PDE6B: variants seen among roughly 807,000 people sequenced by gnomAD.
The protein encoded by PDE6B is phosphodiesterase 6B.
In PDE6B, 106 loss-of-function variants were observed where a neutral mutation model predicts 109.0. That is an observed-to-expected ratio of 0.97 (90% CI 0.83 to 1.14). The LOEUF is 1.14. Among genes scored for constraint, PDE6B ranks in the 50% most tolerant of loss-of-function variants. PDE6B has a pLI of 0.00. For missense variants in PDE6B, 1,193 were observed against 1,155.6 expected (o/e 1.03, Z -0.47); for synonymous variants, 490 against 471.3 (o/e 1.04, Z -0.51).
intron 21 of PDE6B, among the ~76,000 whole-genome samples, chr4:669,220 T>C (rs1394980814): frequency 1.2e-5 from 1 of 80,454 alleles, no homozygotes; most frequent in African/African-American, 5.2e-5. Context: ...CGCTACCCCA[T>C]GCTATTCCCC....
rs1737998027 is a variant in PDE6B, at chr4:667,986, A to T, written c.2483A>T (p.Glu828Val). The part of the protein sequence containing the change: ...VKALEEKEEE[E>V]RVAAKKVGTE... ...GCTCTGGAGGAGAAGGAGGAGGAGG[A>T]GAGGGTGGCAGCCAAGAAAGGTCTG... Residue 828 changes from glutamate to valine, a missense_variant, in exon 21 of 22, where the codon GAG (glutamate) becomes GTG (valine). Physicochemically the swap from Glu to Val is moderately radical, Grantham distance 121. Coordinates refer to ENST00000496514, the MANE Select transcript of PDE6B (RefSeq NM_000283.4). 3 of 1,612,124 alleles carry T rather than the reference A, an allele frequency of 1.9e-6. No individual in the cohort carries two copies. The highest frequency in any genetic ancestry group is 2.5e-6 in the Non-Finnish European group (3 of 1,179,464).
In PDE6B at chr4:667,523, A is replaced by AG. The variant is rs932986065; in HGVS notation, c.2353-329dup. ...TGGGAGGGACGGGAGAAGGCACTGC[A>AG]GGGGCTGCCTGCTGTCCGCCTGTGC... is the stretch of plus-strand genomic sequence containing the variant. On this transcript the variant is annotated intron_variant, in intron 20 of 21. Coordinates refer to ENST00000496514, the MANE Select transcript of PDE6B (RefSeq NM_000283.4). Among the ~76,000 whole-genome samples the AG allele has an allele frequency of 5.0e-4, 76 of 152,254 alleles. 1 individual carries two copies. Among genetic ancestry groups the AG allele is most frequent in the African/African-American group, 1.7e-3 (71 of 41,550 alleles).
chr4:662,158 A>G lies in PDE6B; in HGVS notation c.1639A>G (p.Ile547Val). The G allele has an allele frequency of 1.3e-6, 2 of 1,572,838 alleles. No individual in the cohort carries two copies. The highest frequency in any genetic ancestry group is 2.3e-5 in the East Asian group (1 of 42,834). ...QEVLVRFLFS[I>V]SKGYRRITYH... The stretch of plus-strand genomic sequence containing the variant: ...GGTCCTGGTGCGGTTCCTGTTCTCC[A>G]TCAGCAAAGGGTACCGGAGAATCAC... Residue 547 changes from isoleucine to valine, a missense_variant, in exon 13 of 22, where the codon ATC becomes GTC. By Grantham distance (29) the Ile-to-Val change is conservative. Coordinates refer to ENST00000496514, the MANE Select transcript of PDE6B (RefSeq NM_000283.4). The surrounding 1 kb of genome is among the most constrained non-coding windows in gnomAD (Gnocchi z 4.3).
intron 1 of PDE6B, among the ~76,000 whole-genome samples, chr4:630,073 A>G (rs1037452981): frequency 6.6e-6 from 1 of 152,168 alleles, no homozygotes; most frequent in East Asian, 1.9e-4. Context: ...GCCAGGCATC[A>G]CTACAGGGGA....
At chr4:643,563 A>G (rs1368246159) in intron 3 of PDE6B, among the ~76,000 whole-genome samples, 4 of 152,140 alleles carry the variant, frequency 2.6e-5, no homozygotes, top group Non-Finnish European at 5.9e-5. Flanking sequence ...TTGGATGATT[A>G]TTAATTATTG....
Position 663,704 on chromosome 4 carries a change from CG to C in PDE6B, c.1921-62del, listed in dbSNP as rs1737413305. 1.7e-6 allele frequency: 2 copies of C among 1,194,684 alleles called. No homozygotes were observed. Among genetic ancestry groups the C allele is most frequent in the Admixed American group, 3.6e-5 (2 of 56,044 alleles). The allele number at this position is 1,194,684 out of a possible 1,614,324, so 74.0% of individuals were successfully genotyped here. ...GCACAGGCAGCCGAGGCGGAAGGGG[CG>C]GGGTCCCCGGGCACCCTGAGAGGTG... On this transcript the variant is annotated intron_variant, in intron 15 of 21. Transcript: ENST00000496514. The surrounding 1 kb of genome is among the most constrained non-coding windows in gnomAD (Gnocchi z 4.0).
At chr4:651,403 AGGAGGAGGGCCTG>A (rs1735538834) in intron 3 of PDE6B, among the ~76,000 whole-genome samples, 1 of 151,962 alleles carries the variant, frequency 6.6e-6, no homozygotes, top group African/African-American at 2.4e-5. Context: ...AGGCCTTGGG[AGGAGGAGGGCCTG>A]GGATGAGGGC....
At chr4:654,480 T>A (rs879687369) in intron 5 of PDE6B, 112 of 562,898 alleles carry the variant, frequency 2.0e-4, no homozygotes, top group Middle Eastern at 4.8e-4. Context: ...TGTGTGTGTG[T>A]GAGAGTACGG....
intron 1 of PDE6B, 116 bp from the exon 2 acceptor site, chr4:634,561 G>A: frequency 1.1e-6 from 1 of 880,788 alleles, no homozygotes; most frequent in Non-Finnish European, 1.9e-6. Flanking sequence ...AGGGCCCCTG[G>A]GCACCTCACA....
chr4:645,290 A>ATTTT (rs530937075), intron 3 of PDE6B, among the ~76,000 whole-genome samples: 4 of 117,756 alleles, frequency 3.4e-5, no homozygotes, highest in Non-Finnish European at 6.9e-5. Flanking sequence ...GGCTAGTCAC[A>ATTTT]TTTTTTTTTT....
chr4:659,488 T>C (rs540220222), intron 11 of PDE6B, among the ~76,000 whole-genome samples: 16 of 151,028 alleles, frequency 1.1e-4, no homozygotes, highest in Admixed American at 8.5e-4. Context: ...TGTCTGTGTG[T>C]GCACAAGTGT....
chr4:657,840 G>C (rs551632210), intron 10 of PDE6B, among the ~76,000 whole-genome samples: 11 of 146,990 alleles, frequency 7.5e-5, no homozygotes, highest in African/African-American at 2.5e-4. Context: ...GGTCGTCCAG[G>C]GGTCACCCAG....
chr4:635,179 A>G (rs1198277417), intron 2 of PDE6B, among the ~76,000 whole-genome samples: 15 of 49,548 alleles, frequency 3.0e-4, no homozygotes, highest in East Asian at 8.5e-4. Flanking sequence ...CTGCGCGTCC[A>G]CCTCCTTACC....
chr4:626,012 A>C lies in PDE6B; in HGVS notation c.386A>C (p.Glu129Ala), dbSNP rs767531877. 1 of 1,591,402 alleles carries C rather than the reference A, an allele frequency of 6.3e-7. No homozygotes were observed. Among genetic ancestry groups the C allele is most frequent in the South Asian group, 1.1e-5 (1 of 87,876 alleles). The change falls in exon 1 of 22, where the codon GAG becomes GCG. Residue 129 changes from glutamate (E) to alanine (A), a missense_variant. Transcript: ENST00000496514. This position sits in a 1 kb window ranked among gnomAD's most constrained non-coding sequence, Gnocchi z 4.6. ...GACTGCCTGGTGCCCCCCGACTCCGAGATCGTCTTCCCACTGGACATCGGG... is the reference window on the plus strand; with the variant it reads ...GACTGCCTGGTGCCCCCCGACTCCGCGATCGTCTTCCCACTGGACATCGGG... ...LEDCLVPPDS[E>A]IVFPLDIGVV... is the part of the protein sequence containing the mutation.
Position 663,932 on chromosome 4 carries a change from G to A in PDE6B, c.2021+62G>A. 1 of 1,287,308 alleles carries A rather than the reference G, an allele frequency of 7.8e-7. No individual in the cohort carries two copies. The highest frequency in any genetic ancestry group is 1.1e-6 in the Non-Finnish European group (1 of 911,846). The allele number at this position is 1,287,308 out of a possible 1,614,324, so 79.7% of individuals were successfully genotyped here. A position where few individuals can be genotyped will look rare whatever the true frequency, so the allele number is the denominator to read the frequency against. On this transcript the variant is annotated intron_variant, in intron 16 of 21. Transcript: ENST00000496514. This position sits in a 1 kb window ranked among gnomAD's most constrained non-coding sequence, Gnocchi z 4.0. ...GGCGGGTAGCCTGGGACCCCCGGCA[G>A]ACACGGGGGCGCAGCGGCGGCACAG...
intron 1 of PDE6B, among the ~76,000 whole-genome samples, chr4:630,495 G>A (rs1167933829): frequency 6.6e-6 from 1 of 152,180 alleles, no homozygotes; most frequent in African/African-American, 2.4e-5. Context: ...ACTCTTTGCA[G>A]TCTCGATGGC....
intron 3 of PDE6B, among the ~76,000 whole-genome samples, chr4:642,261 C>T (rs1560108545): frequency 6.6e-6 from 1 of 151,566 alleles, no homozygotes; most frequent in Non-Finnish European, 1.5e-5. Flanking sequence ...CACCTGAGGT[C>T]GGGAGTTTGA....
intron 1 of PDE6B, among the ~76,000 whole-genome samples, chr4:630,931 G>T (rs1318807711): frequency 1.3e-5 from 2 of 152,234 alleles, no homozygotes; most frequent in Non-Finnish European, 2.9e-5. Context: ...AAGGAGAGAA[G>T]CTGTCGGCAT....
rs1734705917 is a variant in PDE6B, at chr4:636,804, C to T, written c.711+835C>T. Among the ~76,000 whole-genome samples, 1 of 152,194 alleles carries T rather than the reference C, an allele frequency of 6.6e-6. No homozygotes were observed. Among genetic ancestry groups the T allele is most frequent in the African/African-American group, 2.4e-5 (1 of 41,450 alleles). On this transcript the variant is annotated intron_variant, in intron 3 of 21. Transcript: ENST00000496514. This position sits in a 1 kb window ranked among gnomAD's most constrained non-coding sequence, Gnocchi z 4.5. ...GGAAGGCTGGGTTTAGGGGCCTCCT[C>T]CTGGCCCCAGGGCTGCCTCAGGGGC...
Sources: allele counts gnomAD v4.1 joint callset (sites outside exome capture counted in the v4.1 genomes callset), GRCh38; gene constraint gnomAD v4.1.1; non-coding constraint Gnocchi (gnomAD v3.1); transcripts MANE v1.5; gene names NCBI Gene and HGNC (gene_info 2026-07-23, HGNC 2026-07-21).